Variants in FANCD2OS observed in about 807,000 individuals in gnomAD.
FANCD2OS encodes the protein FANCD2 opposite strand.
A neutral mutation model predicts 13.2 loss-of-function variants in FANCD2OS; 11 were observed. The observed-to-expected ratio is 0.83, with a 90% CI of 0.52 to 1.38. FANCD2OS has a LOEUF of 1.38. Ranked by LOEUF, FANCD2OS falls within the 40% of genes most tolerant of loss-of-function variation. The pLI, the probability that FANCD2OS is intolerant of heterozygous loss-of-function variation, is 0.00. For missense variants in FANCD2OS, 217 were observed against 213.9 expected (o/e 1.01, Z -0.09); for synonymous variants, 69 against 84.5 (o/e 0.82, Z 1.01).
At chr3:10,100,319 A>G (rs1695225678), downstream of FANCD2OS, among the ~76,000 whole-genome samples, 1 of 152,226 alleles carries the variant, frequency 6.6e-6, no homozygotes, top group African/African-American at 2.4e-5. Flanking sequence ...TCATACTAGT[A>G]TCGTAAGCCA....
downstream of FANCD2OS, among the ~76,000 whole-genome samples, chr3:10,100,207 G>C (rs532882840): frequency 3.3e-5 from 5 of 152,236 alleles, no homozygotes; most frequent in African/African-American, 1.2e-4. Flanking sequence ...TTATTTACAT[G>C]GTCCCCAGTT....
At position 10,085,863 on chromosome 3, in the gene FANCD2OS, T is replaced by C. The variant is rs773833838; in HGVS notation, c.*44-4332A>G. 7.4e-6 allele frequency: 12 copies of C among 1,613,766 alleles called. No homozygotes were observed. The South Asian group carries it at 1.2e-4, about 16-fold the overall frequency. On this transcript the variant is annotated intron_variant, in intron 2 of 2. Transcript: ENST00000524279. The stretch of plus-strand genomic sequence containing the variant: ...AGAATTTACTGTATTCAGCCCTCCA[T>C]GTCCTTAGTAGCCGACTGAAACAGG...
At position 10,104,430 on chromosome 3, in the gene FANCD2OS, G is replaced by A. The variant is rs375716731; in HGVS notation, c.345C>T (p.Thr115=). 18 of 1,613,998 alleles carry A rather than the reference G, an allele frequency of 1.1e-5. No individual in the cohort carries two copies. The highest frequency in any genetic ancestry group is 6.7e-5 in the African/African-American group (5 of 74,906). Reference sequence around the variant, plus strand: ...ACTTGTCTGAAACTCTGAAAGTCCCGGTCCACTTTGGTGGCTGAGCTGTGA... The same window carrying A: ...ACTTGTCTGAAACTCTGAAAGTCCCAGTCCACTTTGGTGGCTGAGCTGTGA... ...RVITAQPPKW[T]GTFRVSDKSA... Residue 115 remains threonine (T), a synonymous_variant, in exon 2 of 2, where the codon ACC becomes ACT. Coordinates refer to ENST00000450660, the MANE Select transcript of FANCD2OS (RefSeq NM_001164839.2).
At chr3:10,096,503 C>T (rs745620718) in intron 2 of FANCD2OS, 19 of 1,609,800 alleles carry the variant, frequency 1.2e-5, no homozygotes, top group Non-Finnish European at 1.5e-5. Flanking sequence ...GTGATAATCC[C>T]CTACTCTTAT....
At chr3:10,084,356 A>G (rs977092507) in intron 2 of FANCD2OS, among the ~76,000 whole-genome samples, 9 of 151,056 alleles carry the variant, frequency 6.0e-5, no homozygotes, top group African/African-American at 2.2e-4. Flanking sequence ...TAGTAACACA[A>G]TCACAGCTCA....
At chr3:10,092,070 G>T (rs1011161869) in intron 2 of FANCD2OS, 1 of 846,674 alleles carries the variant, frequency 1.2e-6, no homozygotes, top group East Asian at 2.4e-5. Flanking sequence ...AAGGATAATT[G>T]GCTTAAATAT....
chr3:10,101,377 CTTTT>C (rs950337384), downstream of FANCD2OS: 1,985 of 383,136 alleles, frequency 5.2e-3, 1 homozygote, highest in Admixed American at 7.4e-3. Flanking sequence ...TTTTGTTCCT[CTTTT>C]TTTTTTTTTT....
downstream of FANCD2OS, among the ~76,000 whole-genome samples, chr3:10,100,106 C>T (rs1695213567): frequency 6.6e-6 from 1 of 151,998 alleles, no homozygotes; most frequent in Non-Finnish European, 1.5e-5. Context: ...GAGGGTTGCT[C>T]AAGCCCAGGA....
chr3:10,092,124 C>T (rs1340085626), intron 2 of FANCD2OS: 8 of 1,130,636 alleles, frequency 7.1e-6, no homozygotes, highest in Non-Finnish European at 1.1e-5. Context: ...AGTGGGAATA[C>T]AGTAAGGGAA....
intron 2 of FANCD2OS, chr3:10,090,152 C>G: frequency 1.5e-6 from 1 of 673,798 alleles, no homozygotes; most frequent in South Asian, 1.5e-5. Flanking sequence ...CTTTCCGCTC[C>G]CCCATCCTCT....
intron 2 of FANCD2OS, chr3:10,087,182 C>T (rs1694258637): frequency 6.2e-7 from 1 of 1,613,758 alleles, no homozygotes; most frequent in Non-Finnish European, 8.5e-7. Flanking sequence ...TTCCCAGTTT[C>T]CAGTGTGCTC....
intron 2 of FANCD2OS, among the ~76,000 whole-genome samples, chr3:10,084,770 A>T (rs1238839860): frequency 6.6e-6 from 1 of 152,218 alleles, no homozygotes; most frequent in African/African-American, 2.4e-5. Flanking sequence ...AAGATCTAGG[A>T]CGTCAGATTG....
Position 10,096,492 on chromosome 3 carries a change from A to G in FANCD2OS, c.*43+7706T>C, listed in dbSNP as rs770768796. ...TTGCAGGTAAGCCTTGGATCCTGCT[A>G]GTGATAATCCCCTACTCTTATTCTT... On this transcript the variant is annotated intron_variant, in intron 2 of 2. Transcript: ENST00000524279. 3.7e-6 allele frequency: 6 copies of G among 1,612,638 alleles called. No individual in the cohort carries two copies. Among genetic ancestry groups the G allele is most frequent in the South Asian group, 1.1e-5 (1 of 91,060 alleles).
chr3:10,092,362 T>C, intron 2 of FANCD2OS: 1 of 847,792 alleles, frequency 1.2e-6, no homozygotes, highest in Non-Finnish European at 2.0e-6. Flanking sequence ...CCTTGGGGCC[T>C]GCTCTCCCTG....
At position 10,097,472 on chromosome 3, in the gene FANCD2OS, G is replaced by T. The variant is rs112838104; in HGVS notation, c.*43+6726C>A. Among the ~76,000 whole-genome samples the T allele has an allele frequency of 1.4e-4, 22 of 152,296 alleles. 1 individual carries two copies. The highest frequency in any genetic ancestry group is 4.6e-4 in the African/African-American group (19 of 41,548). On this transcript the variant is annotated intron_variant, in intron 2 of 2. Transcript: ENST00000524279. ...CAGGGACGTTCCATGCTGAGAAAAAGAATTCAGTGATATTTCTCCCATTTG... is the reference window on the plus strand; with the variant it reads ...CAGGGACGTTCCATGCTGAGAAAAATAATTCAGTGATATTTCTCCCATTTG...
downstream of FANCD2OS, chr3:10,103,159 T>G (rs1028359122): frequency 2.5e-6 from 1 of 396,758 alleles, no homozygotes; most frequent in African/African-American, 2.2e-5. Context: ...TCCCAGCACT[T>G]TGGGAGGCTG....
intron 2 of FANCD2OS, among the ~76,000 whole-genome samples, chr3:10,087,719 C>T (rs889295744): frequency 6.6e-6 from 1 of 151,986 alleles, no homozygotes; most frequent in Admixed American, 6.6e-5. Context: ...GCGATGTTGG[C>T]TCACTGCAAT....
intron 2 of FANCD2OS, chr3:10,094,280 C>T: frequency 1.2e-6 from 2 of 1,612,756 alleles, no homozygotes; most frequent in South Asian, 1.1e-5. Context: ...GTGTGTCTCT[C>T]TTCTTCAGTA....
chr3:10,094,933 G>A (rs1694862814), intron 2 of FANCD2OS: 2 of 490,820 alleles, frequency 4.1e-6, no homozygotes, highest in African/African-American at 3.9e-5. Context: ...TAATGTTGCA[G>A]ATGGGAAAAC....
Sources: allele counts gnomAD v4.1 joint callset (sites outside exome capture counted in the v4.1 genomes callset), GRCh38; gene constraint gnomAD v4.1.1; transcripts MANE v1.5; gene names NCBI Gene and HGNC (gene_info 2026-07-23, HGNC 2026-07-21).